The following RNF125 variants were observed in gnomAD, a reference collection of about 807,000 sequenced individuals.
RNF125 encodes ring finger protein 125, also known as E3 ubiquitin-protein ligase RNF125.
Under a neutral mutation model 26.0 loss-of-function variants are expected in RNF125, and 21 were observed. That is an observed-to-expected ratio of 0.81 (90% CI 0.57 to 1.16). RNF125 has a LOEUF of 1.16. Ranked by LOEUF, RNF125 falls within the 50% of genes most tolerant of loss-of-function variation. RNF125 has a pLI of 0.00. For missense variants in RNF125, 270 were observed against 299.4 expected, an observed-to-expected ratio of 0.90 and a Z score of 0.72; for synonymous variants, 95 against 109.2, an observed-to-expected ratio of 0.87 and a Z score of 0.81.
chr18:32,068,184 C>T, intron 5 of RNF125, 114 bp from the exon 6 acceptor site: 1 of 575,998 alleles, frequency 1.7e-6, no homozygotes, highest in Non-Finnish European at 3.0e-6. Flanking sequence ...GAACCTTGGA[C>T]AAGTCTCGTA....
At chr18:32,054,948 A>G (rs1451089849) in intron 4 of RNF125, among the ~76,000 whole-genome samples, 1 of 152,192 alleles carries the variant, frequency 6.6e-6, no homozygotes, top group African/African-American at 2.4e-5. Flanking sequence ...TACTTTAGAT[A>G]TGAAAAATTG....
At chr18:32,078,576 G>A in the RNF125 span, among the ~76,000 whole-genome samples, 1 of 151,628 alleles carries the variant, frequency 6.6e-6, no homozygotes, top group African/African-American at 2.4e-5. Context: ...GGAGTTCAAC[G>A]CTGCAATGAG....
intron 2 of RNF125, among the ~76,000 whole-genome samples, chr18:32,040,998 A>G (rs1176449339): frequency 2.0e-5 from 3 of 152,156 alleles, no homozygotes; most frequent in African/African-American, 4.8e-5. Context: ...GCCCTTTGTT[A>G]AACAATTATA....
chr18:32,037,342 C>G, intron 2 of RNF125, 73 bp downstream of exon 2: 2 of 719,942 alleles, frequency 2.8e-6, no homozygotes, highest in Non-Finnish European at 4.3e-6. Flanking sequence ...TTCACCTCTG[C>G]TTCTGACCCC....
chr18:32,032,392 T>C (rs1383182548), intron 1 of RNF125, among the ~76,000 whole-genome samples: 3 of 151,646 alleles, frequency 2.0e-5, no homozygotes, highest in Non-Finnish European at 4.4e-5. Context: ...TTTTTTTTTT[T>C]AGTAGAGACG....
chr18:32,085,775 T>C, the RNF125 span, among the ~76,000 whole-genome samples: 1 of 150,566 alleles, frequency 6.6e-6, no homozygotes, highest in Admixed American at 6.6e-5. Context: ...TGATCTCTCA[T>C]TGGTGCCTCG....
chr18:32,041,610 A>G (rs2039217342), intron 2 of RNF125, among the ~76,000 whole-genome samples: 1 of 143,536 alleles, frequency 7.0e-6, no homozygotes, highest in South Asian at 2.2e-4. Context: ...TACTTTAAAA[A>G]ATGTAGATGC....
At chr18:32,066,840 A>G (rs1310376184) in intron 5 of RNF125, among the ~76,000 whole-genome samples, 2 of 152,236 alleles carry the variant, frequency 1.3e-5, no homozygotes, top group Admixed American at 6.5e-5. Context: ...AACAAGGAAC[A>G]TGACAGAGGC....
At chr18:32,029,611 C>A (rs1295272999) in intron 1 of RNF125, among the ~76,000 whole-genome samples, 1 of 107,872 alleles carries the variant, frequency 9.3e-6, no homozygotes, top group East Asian at 2.6e-4. Flanking sequence ...CAGAATGAGA[C>A]CCTGCCTCAA....
Position 32,069,367 on chromosome 18 carries a change from A to G in RNF125, c.*983A>G, listed in dbSNP as rs1268871045. 1 of 152,202 alleles carries G rather than the reference A, an allele frequency of 6.6e-6. No homozygotes were observed. The highest frequency in any genetic ancestry group is 1.5e-5 in the Non-Finnish European group (1 of 68,042). The allele number at this position is 152,202 out of a possible 1,614,324, so 9.4% of individuals were successfully genotyped here. A position where few individuals can be genotyped will look rare whatever the true frequency, so the allele number is the denominator to read the frequency against. On this transcript the variant is annotated 3_prime_UTR_variant, in exon 6 of 6. Transcript: ENST00000217740. ...TTATAGCTTATTTAGAAATATTTCT[A>G]TAATATAAGCAATTTCTTAAAAACC...
intron 1 of RNF125, among the ~76,000 whole-genome samples, chr18:32,029,316 G>A (rs2039069532): frequency 6.6e-6 from 1 of 152,100 alleles, no homozygotes; most frequent in Non-Finnish European, 1.5e-5. Flanking sequence ...ACTTGGAGCT[G>A]TATAAATGGA....
intron 4 of RNF125, among the ~76,000 whole-genome samples, chr18:32,051,698 T>C (rs1484604137): frequency 3.5e-5 from 5 of 141,962 alleles, no homozygotes; most frequent in South Asian, 2.1e-4. Context: ...TTCTTTCTTT[T>C]TTTTTTTTTT....
chr18:32,065,939 C>G lies in RNF125; in HGVS notation c.542C>G (p.Pro181Arg). 2.5e-6 allele frequency: 4 copies of G among 1,613,784 alleles called. No individual in the cohort carries two copies. Among genetic ancestry groups the G allele is most frequent in the Non-Finnish European group, 3.4e-6 (4 of 1,179,696 alleles). Residue 181 changes from proline (P) to arginine (R), a missense_variant, in exon 5 of 6, where the codon CCA becomes CGA. Coordinates refer to ENST00000217740, the MANE Select transcript of RNF125 (RefSeq NM_017831.4). Reference protein sequence around the residue: ...PLCRLIPDENPSSFSGSLIRH... With the variant: ...PLCRLIPDENRSSFSGSLIRH... Reference sequence around the variant, plus strand: ...TGCCGTTTAATACCCGATGAGAATCCAAGCAGCTTCAGTGGCAGTTTAATA... The same window carrying G: ...TGCCGTTTAATACCCGATGAGAATCGAAGCAGCTTCAGTGGCAGTTTAATA...
chr18:32,065,854 T>C, intron 4 of RNF125, 48 bp from the exon 5 acceptor site: 1 of 1,324,842 alleles, frequency 7.5e-7, no homozygotes, highest in Non-Finnish European at 1.1e-6. Flanking sequence ...CTAACACTAA[T>C]AACGATTTTA....
intron 4 of RNF125, among the ~76,000 whole-genome samples, chr18:32,052,760 G>C (rs918265200): frequency 2.0e-5 from 3 of 152,114 alleles, no homozygotes; most frequent in Non-Finnish European, 4.4e-5. Context: ...TTGCATCTTG[G>C]AATGGCTGTA....
downstream of RNF125, among the ~76,000 whole-genome samples, chr18:32,077,499 T>C (rs907061345): frequency 2.8e-4 from 42 of 150,378 alleles, no homozygotes; most frequent in African/African-American, 9.8e-4. Flanking sequence ...GTAGCTGGGA[T>C]TACAGGCATG....
chr18:32,050,865 C>CTTGTTTT (rs2039318338), intron 4 of RNF125, among the ~76,000 whole-genome samples: 1 of 46,328 alleles, frequency 2.2e-5, no homozygotes, highest in Non-Finnish European at 3.9e-5. Flanking sequence ...GTCTAGAGTG[C>CTTGTTTT]TTTTTTTTTT....
In RNF125 at chr18:32,042,351, A is replaced by G. The variant is rs987354556; in HGVS notation, c.413+78A>G. Reference sequence around the variant, plus strand: ...AATTTAATGGGCTGGAAACTTTAACATTCTTATGAAAATATTTACATATTT... The same window carrying G: ...AATTTAATGGGCTGGAAACTTTAACGTTCTTATGAAAATATTTACATATTT... On this transcript the variant is annotated intron_variant, in intron 3 of 5. Coordinates refer to ENST00000217740, the MANE Select transcript of RNF125 (RefSeq NM_017831.4). 16 of 855,450 alleles carry G rather than the reference A, an allele frequency of 1.9e-5. No homozygotes were observed. The African/African-American group carries it at 2.8e-4, about 15-fold the overall frequency. 53.0% of individuals were successfully genotyped at this position (855,450 alleles called of 1,614,324 possible).
At chr18:32,023,706 A>G (rs1478107270) in intron 1 of RNF125, among the ~76,000 whole-genome samples, 1 of 152,214 alleles carries the variant, frequency 6.6e-6, no homozygotes, top group African/African-American at 2.4e-5. Context: ...ATGAAATAGG[A>G]ATACTCAAAA....
Sources: allele counts gnomAD v4.1 joint callset (sites outside exome capture counted in the v4.1 genomes callset), GRCh38; gene constraint gnomAD v4.1.1; transcripts MANE v1.5; gene names NCBI Gene and HGNC (gene_info 2026-07-23, HGNC 2026-07-21).